The following RHOBTB2 variants were observed in gnomAD, a reference collection of about 807,000 sequenced individuals.
RHOBTB2 encodes Rho related BTB domain containing 2, also known as rho-related BTB domain-containing protein 2.
RHOBTB2 carries 39 observed loss-of-function variants against 66.5 expected under a neutral mutation model. That is an observed-to-expected ratio of 0.59 (90% CI 0.45 to 0.77). The LOEUF (loss-of-function observed/expected upper bound fraction) is 0.77. Ranked by LOEUF, RHOBTB2 falls within the 30% of genes least tolerant of loss-of-function variation. The pLI is 0.00. For missense variants in RHOBTB2, 755 were observed against 999.1 expected (o/e 0.76, Z 3.29); for synonymous variants, 390 against 395.0 (o/e 0.99, Z 0.15).
chr8:23,003,602 C>T (rs2128802934), intron 1 of RHOBTB2, among the ~76,000 whole-genome samples: 1 of 152,302 alleles, frequency 6.6e-6, no homozygotes, highest in South Asian at 2.1e-4. Context: ...GGAGGACAGC[C>T]CCCCGTAGGG....
chr8:22,960,827 A>G, the RHOBTB2 span, among the ~76,000 whole-genome samples: 2 of 152,182 alleles, frequency 1.3e-5, no homozygotes, highest in African/African-American at 4.8e-5. Flanking sequence ...TTCTTTACTC[A>G]GGGACAGAAT....
chr8:22,950,831 T>C, the RHOBTB2 span, among the ~76,000 whole-genome samples: 1 of 152,160 alleles, frequency 6.6e-6, no homozygotes, highest in African/African-American at 2.4e-5. Context: ...TGCTTCTTAC[T>C]GTACACGTGG....
rs1463106095 is a variant in RHOBTB2, at chr8:23,015,679, CATCTGCACCAA to C, written c.1903_1913del (p.Ile635LeufsTer48). 1 of 1,614,072 alleles carries C rather than the reference CATCTGCACCAA, an allele frequency of 6.2e-7. No homozygotes were observed. The highest frequency in any genetic ancestry group is 1.1e-5 in the South Asian group (1 of 91,066). ...AGCTGGCCGACTGGTGTCTCCACCA[CATCTGCACCAA>C]CTACAACAACGTGTGCCGCAAGTTC... On this transcript the variant is annotated frameshift_variant, in exon 9 of 10. Transcript: ENST00000251822. LOFTEE classifies it high-confidence loss of function.
At chr8:22,959,436 T>C in the RHOBTB2 span, among the ~76,000 whole-genome samples, 1 of 152,200 alleles carries the variant, frequency 6.6e-6, no homozygotes, top group Admixed American at 6.5e-5. Context: ...TTTGTTTTAG[T>C]AGAGACGGGG....
At chr8:22,995,857 C>T, upstream of RHOBTB2, 1 of 1,551,626 alleles carries the variant, frequency 6.4e-7, no homozygotes, top group Non-Finnish European at 8.7e-7. Context: ...TGTAGTGTTC[C>T]AGGAGAGGGG....
At chr8:22,996,797 G>A (rs1460233667), upstream of RHOBTB2, among the ~76,000 whole-genome samples, 4 of 152,024 alleles carry the variant, frequency 2.6e-5, no homozygotes, top group Non-Finnish European at 5.9e-5. Context: ...GCATGAGAAG[G>A]CCCAACAGCA....
At chr8:22,986,562 AG>A (rs1265943918), upstream of RHOBTB2, among the ~76,000 whole-genome samples, 1 of 152,004 alleles carries the variant, frequency 6.6e-6, no homozygotes, top group Non-Finnish European at 1.5e-5. Context: ...CCTGGCCCCC[AG>A]TGCATTGTTA....
chr8:22,971,626 T>C, the RHOBTB2 span, among the ~76,000 whole-genome samples: 1 of 152,230 alleles, frequency 6.6e-6, no homozygotes, highest in East Asian at 1.9e-4. Context: ...AAGGACATGC[T>C]GCACTGCCCA....
chr8:23,010,382 C>G (rs1811104240), intron 6 of RHOBTB2, among the ~76,000 whole-genome samples, 156 bp from the exon 7 acceptor site: 1 of 152,166 alleles, frequency 6.6e-6, no homozygotes, highest in African/African-American at 2.4e-5. Context: ...CAGGTGTTCT[C>G]AGGGTCTTCT....
rs549081547 is a variant in RHOBTB2, at chr8:23,012,660, G to A, written c.1771+1972G>A. 6.6e-5 allele frequency among the ~76,000 whole-genome samples: 10 copies of A among 152,170 alleles called. No individual in the cohort carries two copies. The South Asian group carries it at 2.1e-3, about 32-fold the overall frequency. On this transcript the variant is annotated intron_variant, in intron 7 of 9. Transcript: ENST00000251822. ...TAGAGACAGGATCTTGCTCTGTCAC[G>A]CAGACTGGAGTGCAATGGCCTGATC...
chr8:22,966,542 T>C, the RHOBTB2 span, among the ~76,000 whole-genome samples: 6 of 151,540 alleles, frequency 4.0e-5, no homozygotes, highest in Non-Finnish European at 7.4e-5. Context: ...CCCAGCACTT[T>C]GGGAAGCCAG....
rs1811333566 is a variant in RHOBTB2, at chr8:23,017,548, C to T, written c.*79C>T. On this transcript the variant is annotated 3_prime_UTR_variant, in exon 10 of 10. Transcript: ENST00000251822. This position sits in a 1 kb window ranked among gnomAD's most constrained non-coding sequence, Gnocchi z 5.3. ...CCTCTGCTCTTCCGCATCACCCCAT[C>T]CACCTTACAGGGACCAGGGGGCCCA... 6.5e-7 allele frequency: 1 copy of T among 1,535,582 alleles called. No homozygotes were observed. The highest frequency in any genetic ancestry group is 2.5e-5 in the East Asian group (1 of 40,748).
chr8:22,976,440 G>A, the RHOBTB2 span, among the ~76,000 whole-genome samples: 1 of 152,114 alleles, frequency 6.6e-6, no homozygotes, highest in Non-Finnish European at 1.5e-5. Context: ...AGCCAAGCAA[G>A]GCACTTGAGG....
At chr8:22,994,500 T>G in intron 2 of RHOBTB2, 1 of 1,020,062 alleles carries the variant, frequency 9.8e-7, no homozygotes, top group Non-Finnish European at 1.5e-6. Flanking sequence ...GGTGTGCTCA[T>G]TCCCTTTCTC....
At chr8:22,989,023 C>T (rs921417057) in intron 1 of RHOBTB2, among the ~76,000 whole-genome samples, 1 of 152,226 alleles carries the variant, frequency 6.6e-6, no homozygotes, top group Middle Eastern at 3.2e-3. Flanking sequence ...TCTTCCCTGA[C>T]CTCTAGAGGA....
chr8:22,980,976 T>C, the RHOBTB2 span, among the ~76,000 whole-genome samples: 1 of 152,212 alleles, frequency 6.6e-6, no homozygotes, highest in Non-Finnish European at 1.5e-5. Flanking sequence ...AAACACCAAA[T>C]TGCTTGGTGA....
chr8:22,966,780 T>G, the RHOBTB2 span, among the ~76,000 whole-genome samples: 23 of 152,172 alleles, frequency 1.5e-4, no homozygotes, highest in Non-Finnish European at 7.4e-5. Flanking sequence ...ATATTATCCC[T>G]AATATTAAAA....
At position 23,007,336 on chromosome 8, in the gene RHOBTB2, C is replaced by T; in HGVS notation, c.1091C>T (p.Ala364Val). Residue 364 changes from alanine to valine, a missense_variant, in exon 5 of 10, where the codon GCT becomes GTT. Transcript: ENST00000251822. ...GGCTCCGGTCCTGCTGGCCTCCGTG[C>T]TTCCACCAGCGACGGGATCTTACGG... is the stretch of plus-strand genomic sequence containing the variant. ...AGGSGPAGLR[A>V]STSDGILRGN... 1 of 1,613,626 alleles carries T rather than the reference C, an allele frequency of 6.2e-7. No homozygotes were observed. Among genetic ancestry groups the T allele is most frequent in the South Asian group, 1.1e-5 (1 of 91,012 alleles).
chr8:23,003,886 C>G (rs1810863797), intron 1 of RHOBTB2, among the ~76,000 whole-genome samples: 1 of 152,186 alleles, frequency 6.6e-6, no homozygotes, highest in South Asian at 2.1e-4. Flanking sequence ...AAATCCACCA[C>G]CACCAGAGAG....
Sources: gnomAD v4.1 joint callset for allele counts (sites outside exome capture counted in the v4.1 genomes callset) on GRCh38, gnomAD v4.1.1 for gene constraint, Gnocchi (gnomAD v3.1) non-coding constraint, MANE v1.5 for transcripts, NCBI Gene and HGNC (gene_info 2026-07-23, HGNC 2026-07-21) for gene names.